The following THRB variants were observed in gnomAD, a reference collection of about 807,000 sequenced individuals.
THRB encodes the protein nuclear receptor subfamily 1 group A member 2.
In THRB, 12 loss-of-function variants were observed where a neutral mutation model predicts 47.8. That is an observed-to-expected ratio of 0.25 (90% CI 0.16 to 0.41). THRB has a LOEUF of 0.41. THRB is among the 10% of genes least tolerant of loss of function. The pLI is 1.00. For synonymous variants in THRB, 218 were observed against 212.2 expected (o/e 1.03, Z -0.24); for missense variants, 348 against 589.2 (o/e 0.59, Z 4.24).
chr3:24,467,123 AG>A (rs2074217942), intron 1 of THRB, among the ~76,000 whole-genome samples: 2 of 152,396 alleles, frequency 1.3e-5, no homozygotes, highest in Admixed American at 6.5e-5. Context: ...CATCTTCACC[AG>A]AAGTAGATTA....
intron 1 of THRB, among the ~76,000 whole-genome samples, chr3:24,456,154 C>G (rs569706090): frequency 6.6e-6 from 1 of 151,904 alleles, no homozygotes; most frequent in South Asian, 2.1e-4. Flanking sequence ...CATAGTGAGG[C>G]CTAATCTCTA....
chr3:24,360,022 C>G (rs2063954131), intron 1 of THRB, among the ~76,000 whole-genome samples: 1 of 152,190 alleles, frequency 6.6e-6, no homozygotes, highest in South Asian at 2.1e-4. Context: ...AACACCAGAG[C>G]TGGCTATTCT....
rs531893001 is a variant in THRB at position 24,146,420 on chromosome 3, T to C, written c.532+255A>G. Among the ~76,000 whole-genome samples, 88 of 152,342 alleles carry C rather than the reference T, an allele frequency of 5.8e-4. 2 individuals are homozygous for C. Among genetic ancestry groups the C allele is most frequent in the Non-Finnish European group, 1.6e-4 (11 of 68,038 alleles). On this transcript the variant is annotated intron_variant, in intron 7 of 10. Transcript: ENST00000646209. ...GTGATAGGGATAATTTAACTGCATT[T>C]CCTCCTCCATCATCCATACTTTGAC...
chr3:24,264,825 T>C (rs1459211594), intron 3 of THRB, among the ~76,000 whole-genome samples: 1 of 152,064 alleles, frequency 6.6e-6, no homozygotes, highest in Non-Finnish European at 1.5e-5. Context: ...TTTGTGCTTT[T>C]AGTAGCAATA....
At chr3:24,128,622 G>A (rs2033308913) in intron 9 of THRB, among the ~76,000 whole-genome samples, 1 of 152,214 alleles carries the variant, frequency 6.6e-6, no homozygotes, top group Non-Finnish European at 1.5e-5. Flanking sequence ...GTAAATGGGT[G>A]TGTTTGATGA....
At chr3:24,356,950 A>G (rs1200714530) in intron 1 of THRB, among the ~76,000 whole-genome samples, 1 of 151,960 alleles carries the variant, frequency 6.6e-6, no homozygotes, top group African/African-American at 2.4e-5. Context: ...GATGGGTTAT[A>G]GGAAGGTAAA....
chr3:24,198,731 T>C (rs533118267), intron 4 of THRB, among the ~76,000 whole-genome samples: 48 of 152,264 alleles, frequency 3.2e-4, no homozygotes, highest in African/African-American at 9.9e-4. Flanking sequence ...TGTTGGTGTA[T>C]GTTAGTGTTC....
chr3:24,186,176 G>A (rs2042549959), intron 5 of THRB, among the ~76,000 whole-genome samples: 1 of 152,116 alleles, frequency 6.6e-6, no homozygotes, highest in Admixed American at 6.5e-5. Flanking sequence ...ATCTGCACTG[G>A]GCTGGCAAGA....
intron 8 of THRB, among the ~76,000 whole-genome samples, chr3:24,134,592 C>A (rs138879123): frequency 2.8e-4 from 42 of 152,248 alleles, no homozygotes; most frequent in African/African-American, 1.0e-3. Flanking sequence ...CAGCAGTCTC[C>A]CCGGAGCTCC....
Position 24,337,315 on chromosome 3 carries a change from A to G in THRB, c.-204T>C, listed in dbSNP as rs1700987539. ...GACATCTGACCTTCTTATTCATTAA[A>G]TCATGTGTGGAACTTGGCACCCACG... On this transcript the variant is annotated 5_prime_UTR_variant, in exon 2 of 11. Coordinates refer to ENST00000646209, the MANE Select transcript of THRB (RefSeq NM_001354712.2). 6.6e-6 allele frequency: 1 copy of G among 152,228 alleles called. No individual in the cohort carries two copies. The highest frequency in any genetic ancestry group is 6.5e-5 in the Admixed American group (1 of 15,280). 9.4% of individuals were successfully genotyped at this position (152,228 alleles called of 1,614,324 possible). A position where few individuals can be genotyped will look rare whatever the true frequency, so the allele number is the denominator to read the frequency against.
At chr3:24,479,288 C>G (rs566591823) in intron 1 of THRB, among the ~76,000 whole-genome samples, 1 of 152,148 alleles carries the variant, frequency 6.6e-6, no homozygotes, top group Non-Finnish European at 1.5e-5. Flanking sequence ...GGGGACAGAG[C>G]GAGACTCCGT....
intron 2 of THRB, among the ~76,000 whole-genome samples, chr3:24,314,050 T>C (rs541297377): frequency 6.6e-6 from 1 of 152,352 alleles, no homozygotes; most frequent in East Asian, 1.9e-4. Context: ...AAGAAAAGTA[T>C]ATTTTTGTTC....
At chr3:24,332,920 C>T (rs1280655450) in intron 2 of THRB, among the ~76,000 whole-genome samples, 1 of 152,106 alleles carries the variant, frequency 6.6e-6, no homozygotes, top group Admixed American at 6.5e-5. Flanking sequence ...GCCATCTCTA[C>T]TAAAAATACA....
chr3:24,385,406 C>G (rs1280016416), intron 1 of THRB, among the ~76,000 whole-genome samples: 1 of 150,340 alleles, frequency 6.7e-6, no homozygotes, highest in Non-Finnish European at 1.5e-5. Context: ...GCAATTCACA[C>G]ACACATACAC....
At chr3:24,294,292 C>T (rs1041134274) in intron 3 of THRB, among the ~76,000 whole-genome samples, 2 of 152,162 alleles carry the variant, frequency 1.3e-5, no homozygotes, top group African/African-American at 4.8e-5. Context: ...CCAGCAGATG[C>T]CATGTGAAGC....
intron 1 of THRB, among the ~76,000 whole-genome samples, chr3:24,350,421 A>C (rs1465619015): frequency 6.6e-6 from 1 of 152,184 alleles, no homozygotes; most frequent in Non-Finnish European, 1.5e-5. Flanking sequence ...CTCTTTGCAT[A>C]ATAATGAAAA....
chr3:24,202,067 G>A (rs2044656876), intron 4 of THRB, among the ~76,000 whole-genome samples: 1 of 152,146 alleles, frequency 6.6e-6, no homozygotes. Context: ...CAGAATCCAG[G>A]CCCAAGTAGG....
chr3:24,333,726 A>G (rs995256209), intron 2 of THRB, among the ~76,000 whole-genome samples: 1 of 152,264 alleles, frequency 6.6e-6, no homozygotes, highest in African/African-American at 2.4e-5. Flanking sequence ...TAGCTTCAAT[A>G]GTGAACTAAA....
intron 5 of THRB, among the ~76,000 whole-genome samples, chr3:24,177,947 CA>C (rs1271263806): frequency 6.6e-6 from 1 of 151,934 alleles, no homozygotes; most frequent in Admixed American, 6.6e-5. Flanking sequence ...TTTTAATCTT[CA>C]GAAAAGTCTT....
Sources: gnomAD v4.1 joint callset for allele counts (sites outside exome capture counted in the v4.1 genomes callset) on GRCh38, gnomAD v4.1.1 for gene constraint, MANE v1.5 for transcripts, NCBI Gene and HGNC (gene_info 2026-07-23, HGNC 2026-07-21) for gene names.